The following LNX1 variants were observed in gnomAD, a reference collection of about 807,000 sequenced individuals.
LNX1 encodes E3 ubiquitin-protein ligase LNX.
LNX1 carries 54 observed loss-of-function variants against 68.4 expected under a neutral mutation model. The ratio of observed to expected loss-of-function variants is 0.79; its 90% CI spans 0.63 to 0.99. The LOEUF is 0.99. LNX1 is among the 50% of genes least tolerant of loss of function. LNX1 has a pLI of 0.00. For missense variants in LNX1, 906 were observed against 926.4 expected (o/e 0.98, Z 0.29); for synonymous variants, 336 against 350.0 (o/e 0.96, Z 0.45).
At chr4:53,485,319 A>G (rs1195157961) in intron 6 of LNX1, among the ~76,000 whole-genome samples, 1 of 152,226 alleles carries the variant, frequency 6.6e-6, no homozygotes, top group Admixed American at 6.5e-5. Flanking sequence ...AAATTGTATC[A>G]TGTTCATTTT....
chr4:53,603,362 G>A (rs1170522919), intron 2 of LNX1, among the ~76,000 whole-genome samples: 3 of 152,206 alleles, frequency 2.0e-5, no homozygotes, highest in Non-Finnish European at 2.9e-5. Context: ...AAGAGAAAGA[G>A]AAAAGGATTG....
intron 2 of LNX1, among the ~76,000 whole-genome samples, chr4:53,609,705 CTAT>C (rs1163399921): frequency 8.7e-5 from 12 of 137,996 alleles, no homozygotes; most frequent in African/African-American, 3.2e-4. Flanking sequence ...TATTATAGTA[CTAT>C]TATAATATAT....
At chr4:53,632,016 C>A (rs139105889) in intron 1 of LNX1, among the ~76,000 whole-genome samples, 79 of 152,244 alleles carry the variant, frequency 5.2e-4, no homozygotes, top group African/African-American at 1.8e-3. Flanking sequence ...GAAGGAGCGG[C>A]CAAAGCTCCT....
chr4:53,483,270 G>A (rs1724065871), intron 6 of LNX1, among the ~76,000 whole-genome samples: 1 of 152,142 alleles, frequency 6.6e-6, no homozygotes, highest in Non-Finnish European at 1.5e-5. Context: ...CACCATGACT[G>A]AGAGGCCTCC....
rs1560630604 is a variant in LNX1, at chr4:53,501,309, G to GGGT, written c.776-2467_776-2466insACC. On this transcript the variant is annotated intron_variant, in intron 4 of 10. Transcript: ENST00000263925. ...TTTTTTTTTTTTTTTTGGGGGTGGGGGGACAGGATCTCACTCTGTCACCCA... is the reference window on the plus strand; with the variant it reads ...TTTTTTTTTTTTTTTTGGGGGTGGGGGGTGGACAGGATCTCACTCTGTCACCCA... Among the ~76,000 whole-genome samples, 7 of 116,000 alleles carry GGGT rather than the reference G, an allele frequency of 6.0e-5. No individual in the cohort carries two copies. The East Asian group carries it at 8.9e-4, about 15-fold the overall frequency. The allele number at this position is 116,000 out of a possible 152,430, so 76.1% of individuals were successfully genotyped here.
At chr4:53,645,841 T>A (rs550218387) in intron 1 of LNX1, among the ~76,000 whole-genome samples, 1 of 152,344 alleles carries the variant, frequency 6.6e-6, no homozygotes, top group African/African-American at 2.4e-5. Context: ...TGAAACCGTA[T>A]GAAATACCAG....
chr4:53,571,924 A>G (rs13127018), intron 2 of LNX1, among the ~76,000 whole-genome samples: 17,816 of 151,896 alleles, frequency 0.12, 1,185 homozygotes, highest in East Asian at 0.31. Flanking sequence ...GCCTCCCAAA[A>G]TGCTGGGATT....
At chr4:53,575,631 C>T in intron 1 of LNX1, 1 of 1,324,560 alleles carries the variant, frequency 7.5e-7, no homozygotes, top group Non-Finnish European at 9.6e-7. Flanking sequence ...CTTTTGGCTG[C>T]ATTGGCTGGG....
chr4:53,574,076 G>A lies in LNX1; in HGVS notation c.-74C>T, dbSNP rs17083057. The stretch of plus-strand genomic sequence containing the variant: ...CTCAGGAGCAAGTCAAGATCTAGGA[G>A]ACATCCACACACCTAAAAAAGAACA... On this transcript the variant is annotated 5_prime_UTR_variant, in exon 2 of 11. Transcript: ENST00000263925. 2,340 of 1,526,654 alleles carry A rather than the reference G, an allele frequency of 1.5e-3. 31 individuals carry two copies. In the African/African-American group the frequency reaches 0.028, roughly 18 times the overall value. The allele number at this position is 1,526,654 out of a possible 1,614,324, so 94.6% of individuals were successfully genotyped here. A position where few individuals can be genotyped will look rare whatever the true frequency, so the allele number is the denominator to read the frequency against.
chr4:53,526,619 T>A (rs1272842920), intron 2 of LNX1, among the ~76,000 whole-genome samples: 3 of 151,730 alleles, frequency 2.0e-5, no homozygotes, highest in Non-Finnish European at 2.9e-5. Flanking sequence ...TGCCTTTCCA[T>A]GTAATCTAGT....
rs1341781172 is a variant in LNX1, at chr4:53,476,534, A to G, written c.1892+219T>C. Among the ~76,000 whole-genome samples, 3 of 152,130 alleles carry G rather than the reference A, an allele frequency of 2.0e-5. No individual in the cohort carries two copies. In the South Asian group the frequency reaches 6.2e-4, roughly 32 times the overall value. On this transcript the variant is annotated intron_variant, in intron 9 of 10. Transcript: ENST00000263925. The stretch of plus-strand genomic sequence containing the variant: ...GTGAGCTCCTCAACCTGAACGCCAA[A>G]CAGTATTTCCACATCCAGGCTTTTG...
intron 2 of LNX1, among the ~76,000 whole-genome samples, chr4:53,600,616 T>C (rs1243858942): frequency 1.3e-5 from 2 of 152,130 alleles, no homozygotes; most frequent in Non-Finnish European, 2.9e-5. Flanking sequence ...CTCAATATAA[T>C]AATAGGGGAA....
At chr4:53,583,017 T>TG (rs1560680489) in intron 1 of LNX1, among the ~76,000 whole-genome samples, 3 of 152,188 alleles carry the variant, frequency 2.0e-5, no homozygotes, top group Non-Finnish European at 2.9e-5. Flanking sequence ...ATCAGGTTAC[T>TG]GGGGGGAAAA....
chr4:53,540,687 C>CA (rs1242494181), intron 2 of LNX1, among the ~76,000 whole-genome samples: 1 of 150,440 alleles, frequency 6.6e-6, no homozygotes, highest in Non-Finnish European at 1.5e-5. Context: ...TCTCAAAAAA[C>CA]AAAAAACAAA....
rs1721475634 is a variant in LNX1, at chr4:53,459,849, T to TAA, written c.*1056_*1057dup. On this transcript the variant is annotated 3_prime_UTR_variant, in exon 11 of 11. Transcript: ENST00000263925. ...CACAAAAGGCAACAAAGGGCCCCTC[T>TAA]AAGGCTTGAGATTAAAACTAGTCTT... The TAA allele has an allele frequency of 4.0e-6, 1 of 250,360 alleles. No individual in the cohort carries two copies. The allele number at this position is 250,360 out of a possible 1,614,324, so 15.5% of individuals were successfully genotyped here.
At chr4:53,464,892 C>T (rs1722549699) in intron 9 of LNX1, among the ~76,000 whole-genome samples, 1 of 152,024 alleles carries the variant, frequency 6.6e-6, no homozygotes, top group Non-Finnish European at 1.5e-5. Flanking sequence ...AATTATCTCT[C>T]AGTGACATGA....
chr4:53,599,175 C>T (rs1185718262), intron 2 of LNX1, among the ~76,000 whole-genome samples: 1 of 152,160 alleles, frequency 6.6e-6, no homozygotes, highest in Non-Finnish European at 1.5e-5. Context: ...TATTGGGCTG[C>T]ATTCCCAGAC....
At chr4:53,577,234 A>C (rs1718497850) in intron 1 of LNX1, among the ~76,000 whole-genome samples, 3 of 152,188 alleles carry the variant, frequency 2.0e-5, no homozygotes, top group Admixed American at 2.0e-4. Flanking sequence ...TATCATCTAC[A>C]ATCTATAGGG....
intron 2 of LNX1, among the ~76,000 whole-genome samples, chr4:53,535,110 G>GT (rs33962722): frequency 0.46 from 69,498 of 151,990 alleles, 17,407 homozygotes; most frequent in Non-Finnish European, 0.56. Flanking sequence ...TAGCACCAAT[G>GT]TTTTCTCTCT....
Sources: allele counts gnomAD v4.1 joint callset (sites outside exome capture counted in the v4.1 genomes callset), GRCh38; gene constraint gnomAD v4.1.1; transcripts MANE v1.5; gene names NCBI Gene and HGNC (gene_info 2026-07-23, HGNC 2026-07-21).